Variants in UBTD2 observed in about 807,000 individuals in gnomAD.
The protein encoded by UBTD2 is ubiquitin domain-containing protein 2.
A neutral mutation model predicts 19.8 loss-of-function variants in UBTD2; 9 were observed. The observed-to-expected ratio is 0.46, with a 90% CI of 0.27 to 0.79. The LOEUF is 0.79. Among genes scored for constraint, UBTD2 ranks in the 30% least tolerant of loss-of-function variants. UBTD2 has a pLI of 0.14. For missense variants in UBTD2, 250 were observed against 300.4 expected, an observed-to-expected ratio of 0.83 and a Z score of 1.24; for synonymous variants, 98 against 103.9, an observed-to-expected ratio of 0.94 and a Z score of 0.35.
intron 2 of UBTD2, among the ~76,000 whole-genome samples, chr5:172,225,771 A>G (rs1231478033): frequency 2.0e-5 from 3 of 152,196 alleles, no homozygotes; most frequent in Non-Finnish European, 4.4e-5. Flanking sequence ...TATTTAGATC[A>G]CATTGGCAAT....
intron 1 of UBTD2, among the ~76,000 whole-genome samples, chr5:172,274,379 T>C (rs1453706036): frequency 1.3e-5 from 2 of 151,988 alleles, no homozygotes; most frequent in African/African-American, 4.8e-5. Flanking sequence ...GACCTCATGA[T>C]CCGCCCGCCT....
At chr5:172,234,834 G>A (rs962915328) in intron 1 of UBTD2, among the ~76,000 whole-genome samples, 1 of 152,156 alleles carries the variant, frequency 6.6e-6, no homozygotes. Context: ...CTTGAGCCTG[G>A]GAGGTTGTGT....
At chr5:172,248,169 C>G (rs182759083) in intron 1 of UBTD2, among the ~76,000 whole-genome samples, 1 of 152,196 alleles carries the variant, frequency 6.6e-6, no homozygotes, top group Non-Finnish European at 1.5e-5. Flanking sequence ...GAAAGCAATG[C>G]TCAGAGGAAA....
intron 1 of UBTD2, among the ~76,000 whole-genome samples, chr5:172,265,372 C>T (rs1456957122): frequency 6.6e-6 from 1 of 152,214 alleles, no homozygotes; most frequent in East Asian, 1.9e-4. Context: ...TGCTCTGTCA[C>T]CCAGGCTGGT....
chr5:172,211,877 C>A lies in UBTD2; in HGVS notation c.658G>T (p.Val220Phe). The A allele has an allele frequency of 1.2e-6, 2 of 1,614,166 alleles. No homozygotes were observed. Among genetic ancestry groups the A allele is most frequent in the Non-Finnish European group, 8.5e-7 (1 of 1,180,008 alleles). The change falls in exon 3 of 3, where the codon GTT becomes TTT. Residue 220 changes from valine (V) to phenylalanine (F), a missense_variant. Val to Phe is a conservative substitution (Grantham distance 50). Transcript: ENST00000393792. ...LKIPKDYVVQVIVSQPVQNPT... is the reference protein window; with the variant it reads ...LKIPKDYVVQFIVSQPVQNPT... ...TTCTGCACAGGTTGGCTCACTATAA[C>A]CTGTACAACATAGTCCTTTGGGATC...
rs1175413571 is a variant in UBTD2, at chr5:172,241,413, T to TAA, written c.71-7057_71-7056dup. ...GACAAGAATGAAACTCTGTCTCAAT[T>TAA]AAAAAAAAAAAAAAAAAAAAGATGC... On this transcript the variant is annotated intron_variant, in intron 1 of 2. Coordinates refer to ENST00000393792, the MANE Select transcript of UBTD2 (RefSeq NM_152277.3). Among the ~76,000 whole-genome samples the TAA allele has an allele frequency of 1.5e-3, 172 of 118,254 alleles. 2 individuals are homozygous for TAA. The highest frequency in any genetic ancestry group is 2.2e-3 in the Admixed American group (24 of 11,104). 77.6% of individuals were successfully genotyped at this position (118,254 alleles called of 152,430 possible). A position where few individuals can be genotyped will look rare whatever the true frequency, so the allele number is the denominator to read the frequency against.
At chr5:172,222,367 C>G (rs1771669000) in intron 2 of UBTD2, among the ~76,000 whole-genome samples, 1 of 152,174 alleles carries the variant, frequency 6.6e-6, no homozygotes, top group South Asian at 2.1e-4. Context: ...TTCTTACATT[C>G]TAGAGTCACT....
intron 2 of UBTD2, 91 bp downstream of exon 2, chr5:172,234,031 T>C (rs1261897842): frequency 2.2e-6 from 3 of 1,334,384 alleles, no homozygotes; most frequent in Admixed American, 1.9e-5. Flanking sequence ...GAATAATTCA[T>C]AGCAAGGAAA....
intron 1 of UBTD2, among the ~76,000 whole-genome samples, chr5:172,256,702 C>T (rs1755160703): frequency 6.6e-6 from 1 of 152,024 alleles, no homozygotes; most frequent in African/African-American, 2.4e-5. Flanking sequence ...GGGCAGATCA[C>T]CTGAGGTCAG....
chr5:172,255,955 G>A (rs770234898), intron 1 of UBTD2, among the ~76,000 whole-genome samples: 7 of 152,098 alleles, frequency 4.6e-5, no homozygotes, highest in Admixed American at 4.6e-4. Flanking sequence ...CGGGCGTGGT[G>A]GCGGATACCT....
chr5:172,228,465 A>C (rs1224963389), intron 2 of UBTD2, among the ~76,000 whole-genome samples: 1 of 152,226 alleles, frequency 6.6e-6, no homozygotes, highest in Non-Finnish European at 1.5e-5. Context: ...TCATGCTTGT[A>C]ATCCCAGCAC....
chr5:172,213,879 TG>T (rs1225012539), intron 2 of UBTD2, among the ~76,000 whole-genome samples: 2 of 152,180 alleles, frequency 1.3e-5, no homozygotes, highest in African/African-American at 2.4e-5. Context: ...CTCCGCCTCC[TG>T]GGTCCAAGTA....
chr5:172,253,554 A>G (rs1248923080), intron 1 of UBTD2, among the ~76,000 whole-genome samples: 1 of 151,946 alleles, frequency 6.6e-6, no homozygotes, highest in East Asian at 1.9e-4. Flanking sequence ...CCTGGGTTCA[A>G]GCAATTCTCT....
chr5:172,237,250 T>C (rs1772030467), intron 1 of UBTD2, among the ~76,000 whole-genome samples: 1 of 152,056 alleles, frequency 6.6e-6, no homozygotes, highest in African/African-American at 2.4e-5. Context: ...CGCGCCACCA[T>C]GCCCAGCTAA....
chr5:172,275,418 T>C (rs896651056), intron 1 of UBTD2, among the ~76,000 whole-genome samples: 1 of 152,110 alleles, frequency 6.6e-6, no homozygotes, highest in African/African-American at 2.4e-5. Context: ...CTGAACCAAA[T>C]TATTTTCTGA....
chr5:172,271,289 C>A (rs567178241), intron 1 of UBTD2, among the ~76,000 whole-genome samples: 2 of 151,970 alleles, frequency 1.3e-5, no homozygotes, highest in African/African-American at 4.8e-5. Context: ...ATTAGCCAGG[C>A]GTGGTGGCAG....
intron 2 of UBTD2, among the ~76,000 whole-genome samples, chr5:172,227,301 A>G (rs990442243): frequency 9.2e-5 from 14 of 152,232 alleles, no homozygotes; most frequent in Non-Finnish European, 1.8e-4. Context: ...AGGAATAGAT[A>G]AACTGGAATA....
At chr5:172,260,408 G>GTATAA (rs1246049361) in intron 1 of UBTD2, among the ~76,000 whole-genome samples, 1 of 152,004 alleles carries the variant, frequency 6.6e-6, no homozygotes, top group African/African-American at 2.4e-5. Flanking sequence ...TACCACTGAA[G>GTATAA]TATAAGTTCT....
chr5:172,270,141 A>G (rs1755455083), intron 1 of UBTD2, among the ~76,000 whole-genome samples: 1 of 151,258 alleles, frequency 6.6e-6, no homozygotes, highest in Non-Finnish European at 1.5e-5. Context: ...GTGCAGTGGC[A>G]CAATCACGGC....
Sources: allele counts gnomAD v4.1 joint callset (sites outside exome capture counted in the v4.1 genomes callset), GRCh38; gene constraint gnomAD v4.1.1; transcripts MANE v1.5; gene names NCBI Gene and HGNC (gene_info 2026-07-23, HGNC 2026-07-21).